Variants in TAF1D observed in about 807,000 individuals in gnomAD.
TAF1D encodes TATA-box binding protein associated factor, RNA polymerase I subunit D.
In TAF1D, 23 loss-of-function variants were observed where a neutral mutation model predicts 26.2. The observed-to-expected ratio is 0.88, with a 90% CI of 0.63 to 1.25. TAF1D has a LOEUF of 1.25. Ranked by LOEUF, TAF1D falls within the 50% of genes most tolerant of loss-of-function variation. The pLI, the probability that TAF1D is intolerant of heterozygous loss-of-function variation, is 0.00. For synonymous variants in TAF1D, 100 were observed against 105.6 expected (o/e 0.95, Z 0.33); for missense variants, 299 against 322.0 (o/e 0.93, Z 0.55).
At chr11:93,738,835 A>G (rs542866389) in intron 2 of TAF1D, 1 of 302,306 alleles carries the variant, frequency 3.3e-6, no homozygotes, top group South Asian at 5.6e-5. Flanking sequence ...GTAGCTAGCT[A>G]GGACTAATGG....
chr11:93,731,043 T>A (rs549537980), downstream of TAF1D: 5 of 519,182 alleles, frequency 9.6e-6, no homozygotes, highest in East Asian at 1.6e-4. Context: ...GAAATTTTTT[T>A]ATGGTCATGT....
downstream of TAF1D, chr11:93,730,869 A>G (rs1157609674): frequency 6.9e-6 from 3 of 432,632 alleles, no homozygotes; most frequent in East Asian, 1.7e-4. Context: ...AGGCAAAGCA[A>G]ATTTGCATGA....
At position 93,739,301 on chromosome 11, in the gene TAF1D, C is replaced by G; in HGVS notation, c.4G>C (p.Asp2His). Residue 2 changes from aspartate to histidine, a missense_variant, in exon 2 of 6, where the codon GAT (aspartate) becomes CAT (histidine). Coordinates refer to ENST00000448108, the MANE Select transcript of TAF1D (RefSeq NM_024116.4). ...TCAAGAGAATCTATTCCTGATTTAT[C>G]CATCAATTGCTCTTTGTTTTAAACA... is the stretch of plus-strand genomic sequence containing the variant. Reference protein sequence around the residue: MDKSGIDSLDHV... With the variant: MHKSGIDSLDHV... 1 of 1,605,574 alleles carries G rather than the reference C, an allele frequency of 6.2e-7. No homozygotes were observed. Among genetic ancestry groups the G allele is most frequent in the Non-Finnish European group, 8.5e-7 (1 of 1,178,078 alleles).
downstream of TAF1D, chr11:93,730,933 A>G (rs1938543144): frequency 2.1e-6 from 1 of 486,140 alleles, no homozygotes; most frequent in African/African-American, 2.0e-5. Flanking sequence ...GAAAAATCAC[A>G]TGTGGTTCAC....
chr11:93,741,424 ACCAC>A lies in TAF1D; in HGVS notation c.-134_-131del. 1 of 455,742 alleles carries A rather than the reference ACCAC, an allele frequency of 2.2e-6. No individual in the cohort carries two copies. The highest frequency in any genetic ancestry group is 7.0e-5 in the East Asian group (1 of 14,356). 28.2% of individuals were successfully genotyped at this position (455,742 alleles called of 1,614,324 possible). ...CCTGGTGTCCTAGAGCTCTGTACAC[ACCAC>A]CCTCCCGACCTCAGCCCTCCAACTC... On this transcript the variant is annotated 5_prime_UTR_variant, in exon 1 of 6. Transcript: ENST00000448108.
chr11:93,738,047 C>T, intron 3 of TAF1D, 62 bp downstream of exon 3: 1 of 1,498,520 alleles, frequency 6.7e-7, no homozygotes. Flanking sequence ...TCTAAATTGG[C>T]CAACAAATCA....
rs185591721 is a variant in TAF1D at position 93,736,044 on chromosome 11, G to C, written c.*117C>G. 13 of 1,472,156 alleles carry C rather than the reference G, an allele frequency of 8.8e-6. No homozygotes were observed. The highest frequency in any genetic ancestry group is 2.6e-5 in the East Asian group (1 of 39,126). The allele number at this position is 1,472,156 out of a possible 1,614,324, so 91.2% of individuals were successfully genotyped here. On this transcript the variant is annotated 3_prime_UTR_variant, in exon 6 of 6. Coordinates refer to ENST00000448108, the MANE Select transcript of TAF1D (RefSeq NM_024116.4). ...TAAAAATTTTTTTTCTTGTTATAAA[G>C]TTCTGGGTTTCAGAATTTCTTCACC...
intron 3 of TAF1D, among the ~76,000 whole-genome samples, chr11:93,737,854 A>G (rs941587034): frequency 1.3e-5 from 2 of 152,200 alleles, no homozygotes; most frequent in African/African-American, 2.4e-5. Context: ...CTGAGATGGG[A>G]TAAGATCAAA....
downstream of TAF1D, chr11:93,733,675 G>C (rs1476436865): frequency 1.1e-5 from 5 of 472,678 alleles, no homozygotes; most frequent in Admixed American, 4.6e-5. Context: ...GATTCTTGCT[G>C]AATCACTTGA....
chr11:93,738,973 G>C, intron 2 of TAF1D: 1 of 482,554 alleles, frequency 2.1e-6, no homozygotes, highest in Non-Finnish European at 3.7e-6. Context: ...CTACCGAACC[G>C]GAGGATGTAG....
Position 93,739,328 on chromosome 11 carries a change from T to C in TAF1D, c.-24A>G, listed in dbSNP as rs766599519. 4.6e-5 allele frequency: 74 copies of C among 1,597,468 alleles called. No individual in the cohort carries two copies. Among genetic ancestry groups the C allele is most frequent in the Non-Finnish European group, 6.1e-5 (71 of 1,172,602 alleles). ...ATCAATTGCTCTTTGTTTTAAACAG[T>C]TTTCTGAAATTATGAAATTTAGTAA... On this transcript the variant is annotated 5_prime_UTR_variant, in exon 2 of 6. Coordinates refer to ENST00000448108, the MANE Select transcript of TAF1D (RefSeq NM_024116.4).
At chr11:93,734,834 G>C (rs1940336339), downstream of TAF1D, 3 of 1,068,048 alleles carry the variant, frequency 2.8e-6, no homozygotes, top group African/African-American at 5.0e-5. Context: ...GGAGTACAGT[G>C]GTGCCATCAA....
Position 93,739,404 on chromosome 11 carries a change from G to A in TAF1D, c.-27-73C>T, listed in dbSNP as rs3819173. ...GACAGTATCTACTACAGTGTTGAAC[G>A]TGGTCAGACTATGCCAATGATTTCA... is the stretch of plus-strand genomic sequence containing the variant. On this transcript the variant is annotated intron_variant, in intron 1 of 5. Transcript: ENST00000448108. 5,169 of 977,652 alleles carry A rather than the reference G, an allele frequency of 5.3e-3. 127 individuals are homozygous for A. The East Asian group carries it at 0.068, about 13-fold the overall frequency. 60.6% of individuals were successfully genotyped at this position (977,652 alleles called of 1,614,324 possible).
intron 1 of TAF1D, 64 bp from the exon 2 acceptor site, chr11:93,739,395 GTGT>G: frequency 9.3e-7 from 1 of 1,074,990 alleles, no homozygotes; most frequent in Non-Finnish European, 1.4e-6. Flanking sequence ...ATCTACTACA[GTGT>G]TGAACGTGGT....
intron 1 of TAF1D, among the ~76,000 whole-genome samples, chr11:93,740,461 A>T (rs934965193): frequency 8.6e-6 from 1 of 116,602 alleles, no homozygotes; most frequent in Admixed American, 8.8e-5. Context: ...AAAAAAAAAA[A>T]AAAAAGGCAT....
Position 93,735,802 on chromosome 11 carries a change from A to G in TAF1D, c.*359T>C. 8.5e-6 allele frequency: 9 copies of G among 1,064,450 alleles called. No homozygotes were observed. The highest frequency in any genetic ancestry group is 5.0e-5 in the Admixed American group (1 of 20,004). 65.9% of individuals were successfully genotyped at this position (1,064,450 alleles called of 1,614,324 possible). A position where few individuals can be genotyped will look rare whatever the true frequency, so the allele number is the denominator to read the frequency against. On this transcript the variant is annotated 3_prime_UTR_variant, in exon 6 of 6. Transcript: ENST00000448108. Reference sequence around the variant, plus strand: ...TTACAGCATTTCAAATCCCCTCTTCAAGATGGTTGGGTGTCAAGTTACTTT... The same window carrying G: ...TTACAGCATTTCAAATCCCCTCTTCGAGATGGTTGGGTGTCAAGTTACTTT...
At position 93,737,456 on chromosome 11, in the gene TAF1D, T is replaced by C. The variant is rs142481106; in HGVS notation, c.460-217A>G. ...GTAACATGGAAAAGTGAAGTACATA[T>C]CTTGTCATGTCTGGGACTTACTAAA... is the stretch of plus-strand genomic sequence containing the variant. On this transcript the variant is annotated intron_variant, in intron 3 of 5. Transcript: ENST00000448108. 3.4e-3 allele frequency among the ~76,000 whole-genome samples: 516 copies of C among 152,258 alleles called. 7 individuals are homozygous for C. The highest frequency in any genetic ancestry group is 3.4e-3 in the Middle Eastern group (1 of 294).
At chr11:93,740,873 C>T (rs1754805286) in intron 1 of TAF1D, among the ~76,000 whole-genome samples, 1 of 152,182 alleles carries the variant, frequency 6.6e-6, no homozygotes, top group South Asian at 2.1e-4. Flanking sequence ...GACACTCCTA[C>T]TTGGGTGTCG....
chr11:93,734,067 C>CT (rs1399012119), downstream of TAF1D: 4 of 152,492 alleles, frequency 2.6e-5, no homozygotes, highest in African/African-American at 7.2e-5. Context: ...AGTTTAAAGT[C>CT]TAACTGTTGT....
Sources: allele counts gnomAD v4.1 joint callset (sites outside exome capture counted in the v4.1 genomes callset), GRCh38; gene constraint gnomAD v4.1.1; transcripts MANE v1.5; gene names NCBI Gene and HGNC (gene_info 2026-07-23, HGNC 2026-07-21).